The following RXFP1 variants were observed in gnomAD, a reference collection of about 807,000 sequenced individuals.
RXFP1 encodes relaxin family peptide receptor 1.
In RXFP1, 73 loss-of-function variants were observed where a neutral mutation model predicts 89.8. That is an observed-to-expected ratio of 0.81 (90% CI 0.67 to 0.99). RXFP1 has a LOEUF of 0.99. Ranked by LOEUF, RXFP1 falls within the 50% of genes least tolerant of loss-of-function variation. The probability of loss-of-function intolerance (pLI) is 0.00; values close to 1 mark genes in which losing one functional copy is unlikely to be tolerated. For missense variants in RXFP1, 793 were observed against 895.5 expected (o/e 0.89, Z 1.46); for synonymous variants, 277 against 305.5 (o/e 0.91, Z 0.97).
chr4:158,595,135 G>T (rs2150074119), intron 3 of RXFP1, among the ~76,000 whole-genome samples: 1 of 152,290 alleles, frequency 6.6e-6, no homozygotes, highest in Non-Finnish European at 1.5e-5. Context: ...TAGAGCCACA[G>T]TTTACCTTTT....
intron 8 of RXFP1, among the ~76,000 whole-genome samples, chr4:158,616,434 G>GAAAT (rs1346842718): frequency 1.9e-4 from 28 of 150,540 alleles, no homozygotes; most frequent in Non-Finnish European, 2.5e-4. Flanking sequence ...TGTCTCAAAC[G>GAAAT]AAATAAATAA....
Position 158,587,916 on chromosome 4 carries a change from TA to T in RXFP1, c.188-5481del, listed in dbSNP as rs149518502. On this transcript the variant is annotated intron_variant, in intron 2 of 17. Transcript: ENST00000307765. ...CTAAATGCTAGCATTCAGCCTCTCTTAAAAGGGGTGAATGAAAGTCTCTCAA... is the reference window on the plus strand; with the variant it reads ...CTAAATGCTAGCATTCAGCCTCTCTTAAAGGGGTGAATGAAAGTCTCTCAA... Among the ~76,000 whole-genome samples the T allele has an allele frequency of 8.8e-3, 1,335 of 152,232 alleles. 15 individuals carry two copies. The highest frequency in any genetic ancestry group is 0.03 in the African/African-American group (1,226 of 41,542).
intron 2 of RXFP1, among the ~76,000 whole-genome samples, chr4:158,591,585 C>CAA (rs556318387): frequency 6.1e-4 from 50 of 82,368 alleles, no homozygotes; most frequent in African/African-American, 1.8e-3. Context: ...CCCATCTCTA[C>CAA]AAAAAAAAAA....
At chr4:158,580,231 T>G (rs1353082848) in intron 2 of RXFP1, among the ~76,000 whole-genome samples, 1 of 152,152 alleles carries the variant, frequency 6.6e-6, no homozygotes, top group Non-Finnish European at 1.5e-5. Context: ...GGAGGACTAT[T>G]GCCTCCGGGG....
intron 9 of RXFP1, among the ~76,000 whole-genome samples, chr4:158,620,371 A>G (rs1162140607): frequency 6.6e-6 from 1 of 152,178 alleles, no homozygotes; most frequent in Non-Finnish European, 1.5e-5. Context: ...AAAAGAATAG[A>G]GGAAGAACAG....
intron 13 of RXFP1, 41 bp downstream of exon 13, chr4:158,638,120 T>G: frequency 8.7e-7 from 1 of 1,144,898 alleles, no homozygotes; most frequent in Non-Finnish European, 1.3e-6. Context: ...GATAAAATTG[T>G]TTTTTAAATA....
intron 1 of RXFP1, among the ~76,000 whole-genome samples, chr4:158,557,833 C>T (rs1290916175): frequency 2.0e-5 from 3 of 152,212 alleles, no homozygotes. Context: ...GAGTCACCTT[C>T]ACTGACTCCA....
At chr4:158,600,383 TG>T (rs1489406463) in intron 4 of RXFP1, among the ~76,000 whole-genome samples, 1 of 152,180 alleles carries the variant, frequency 6.6e-6, no homozygotes, top group East Asian at 1.9e-4. Context: ...ACCCAATTTG[TG>T]GTGGCCAGGG....
intron 1 of RXFP1, among the ~76,000 whole-genome samples, chr4:158,541,744 C>T (rs1284136602): frequency 3.3e-5 from 5 of 152,040 alleles, no homozygotes; most frequent in Non-Finnish European, 5.9e-5. Context: ...TGACCCTTCG[C>T]AAGCACTTGA....
intron 1 of RXFP1, among the ~76,000 whole-genome samples, chr4:158,570,039 CTTTAATA>C (rs1329825431): frequency 6.6e-6 from 1 of 152,120 alleles, no homozygotes; most frequent in Non-Finnish European, 1.5e-5. Flanking sequence ...TATTTCAAAA[CTTTAATA>C]TTTAAATTAG....
At chr4:158,530,903 G>A (rs1261134945) in intron 1 of RXFP1, among the ~76,000 whole-genome samples, 1 of 152,118 alleles carries the variant, frequency 6.6e-6, no homozygotes, top group Non-Finnish European at 1.5e-5. Flanking sequence ...CCATTTTAAT[G>A]GAAAAAATCT....
chr4:158,638,004 A>G lies in RXFP1; in HGVS notation c.972-4A>G. The stretch of plus-strand genomic sequence containing the variant: ...GACCTATTGCTGCTTTTTTTAAAAA[A>G]CAGGAATCTTTCCTATAATCCAATC... On this transcript the variant is annotated splice_region_variant and splice_polypyrimidine_tract_variant and intron_variant, in intron 12 of 17. Coordinates refer to ENST00000307765, the MANE Select transcript of RXFP1 (RefSeq NM_021634.4). The G allele has an allele frequency of 1.3e-6, 2 of 1,577,756 alleles. No homozygotes were observed. The highest frequency in any genetic ancestry group is 1.7e-4 in the Middle Eastern group (1 of 5,972).
chr4:158,523,833 G>A (rs1052073963), intron 1 of RXFP1, among the ~76,000 whole-genome samples: 7 of 152,276 alleles, frequency 4.6e-5, no homozygotes, highest in African/African-American at 1.7e-4. Flanking sequence ...GAAATCAACA[G>A]CCACACATAA....
At chr4:158,605,723 G>A (rs938285673) in intron 5 of RXFP1, among the ~76,000 whole-genome samples, 1 of 152,110 alleles carries the variant, frequency 6.6e-6, no homozygotes, top group Non-Finnish European at 1.5e-5. Flanking sequence ...TGGCCCACGG[G>A]ATGTTTACCT....
chr4:158,525,112 G>T (rs544486457), intron 1 of RXFP1, among the ~76,000 whole-genome samples: 121 of 151,996 alleles, frequency 8.0e-4, no homozygotes, highest in Non-Finnish European at 1.4e-3. Context: ...TGGTTAGTAC[G>T]TGGAAAAAGA....
At chr4:158,549,747 A>G (rs909832313) in intron 1 of RXFP1, among the ~76,000 whole-genome samples, 20 of 152,216 alleles carry the variant, frequency 1.3e-4, no homozygotes, top group African/African-American at 4.6e-4. Context: ...TATCAGCAGC[A>G]GTGGCTGTAG....
intron 2 of RXFP1, among the ~76,000 whole-genome samples, chr4:158,581,646 T>G (rs1757375956): frequency 6.6e-6 from 1 of 152,216 alleles, no homozygotes; most frequent in Non-Finnish European, 1.5e-5. Flanking sequence ...GAGTGCTTTA[T>G]ACATTTTACC....
chr4:158,535,184 T>C (rs553185233), intron 1 of RXFP1, among the ~76,000 whole-genome samples: 19 of 152,072 alleles, frequency 1.2e-4, no homozygotes, highest in African/African-American at 4.3e-4. Context: ...GGAAAGGACA[T>C]GGCAGGCTCA....
intron 1 of RXFP1, among the ~76,000 whole-genome samples, chr4:158,528,636 TC>T (rs1218231291): frequency 2.0e-5 from 3 of 152,250 alleles, no homozygotes; most frequent in Non-Finnish European, 4.4e-5. Flanking sequence ...GCAGCCCTTT[TC>T]ATCACATGCC....
Sources: allele counts gnomAD v4.1 joint callset (sites outside exome capture counted in the v4.1 genomes callset), GRCh38; gene constraint gnomAD v4.1.1; transcripts MANE v1.5; gene names NCBI Gene and HGNC (gene_info 2026-07-23, HGNC 2026-07-21).